The following KIAA1217 variants were observed in gnomAD, a reference collection of about 807,000 sequenced individuals.
KIAA1217 encodes KIAA1217.
A neutral mutation model predicts 163.9 loss-of-function variants in KIAA1217; 88 were observed. The ratio of observed to expected loss-of-function variants is 0.54; its 90% CI spans 0.45 to 0.64. The LOEUF (loss-of-function observed/expected upper bound fraction) is 0.64, where lower values mean the gene tolerates loss of function less well. Among genes scored for constraint, KIAA1217 ranks in the 30% least tolerant of loss-of-function variants. The pLI is 0.00. For synonymous variants in KIAA1217, 903 were observed against 923.1 expected (o/e 0.98, Z 0.39); for missense variants, 2,372 against 2,475.0 (o/e 0.96, Z 0.88).
At chr10:24,245,802 T>A (rs974467285) in intron 2 of KIAA1217, among the ~76,000 whole-genome samples, 11 of 152,006 alleles carry the variant, frequency 7.2e-5, no homozygotes, top group Non-Finnish European at 2.9e-5. Flanking sequence ...AACTAATTTT[T>A]TTTTTTTTTC....
At chr10:24,434,008 CCTCT>C (rs1158383682) in intron 4 of KIAA1217, among the ~76,000 whole-genome samples, 1,984 of 125,854 alleles carry the variant, frequency 0.016, 37 homozygotes, top group Middle Eastern at 0.028. Context: ...TCTCTCTCTC[CCTCT>C]CTCTCTCTCT....
At chr10:23,841,412 T>A (rs1017376220) in intron 1 of KIAA1217, among the ~76,000 whole-genome samples, 1 of 152,170 alleles carries the variant, frequency 6.6e-6, no homozygotes, top group Non-Finnish European at 1.5e-5. Flanking sequence ...TCGATGCACA[T>A]AAATACTATT....
intron 2 of KIAA1217, among the ~76,000 whole-genome samples, chr10:24,087,670 A>G (rs934523883): frequency 2.6e-5 from 4 of 152,240 alleles, no homozygotes; most frequent in Non-Finnish European, 5.9e-5. Context: ...CTGAACACCC[A>G]TTCAATACCA....
chr10:24,211,414 A>G (rs2068072825), intron 1 of KIAA1217, among the ~76,000 whole-genome samples: 2 of 127,936 alleles, frequency 1.6e-5, no homozygotes, highest in East Asian at 4.7e-4. Context: ...TTTGTCACCC[A>G]GACTGGAGTG....
intron 1 of KIAA1217, among the ~76,000 whole-genome samples, chr10:24,217,086 C>A (rs1589978093): frequency 1.1e-5 from 1 of 93,780 alleles, no homozygotes; most frequent in Non-Finnish European, 2.1e-5. Context: ...AAGTATACAA[C>A]AATTTTGGCT....
intron 2 of KIAA1217, among the ~76,000 whole-genome samples, chr10:24,364,681 T>C (rs2050518375): frequency 6.6e-6 from 1 of 152,178 alleles, no homozygotes; most frequent in Non-Finnish European, 1.5e-5. Flanking sequence ...GGAAAAGATG[T>C]AACAGGTAGA....
intron 1 of KIAA1217, among the ~76,000 whole-genome samples, chr10:23,839,862 A>G (rs921434817): frequency 2.0e-5 from 3 of 152,124 alleles, no homozygotes; most frequent in Admixed American, 2.0e-4. Flanking sequence ...CCCCACCCCA[A>G]TCAGATAGTT....
chr10:24,465,333 C>T (rs991176512), intron 5 of KIAA1217, among the ~76,000 whole-genome samples: 6 of 152,200 alleles, frequency 3.9e-5, no homozygotes, highest in Admixed American at 3.9e-4. Context: ...GCTCCATTTG[C>T]CCCCTTCTTT....
At chr10:23,838,370 A>G (rs976483054) in intron 1 of KIAA1217, among the ~76,000 whole-genome samples, 3 of 152,236 alleles carry the variant, frequency 2.0e-5, no homozygotes, top group African/African-American at 7.2e-5. Context: ...GAGAAAAATG[A>G]GTTTAAAATT....
chr10:24,415,137 A>G (rs1332178226), intron 3 of KIAA1217, among the ~76,000 whole-genome samples: 2 of 131,100 alleles, frequency 1.5e-5, no homozygotes, highest in African/African-American at 3.1e-5. Flanking sequence ...TTTTTGAGAT[A>G]GAGTCTTTCT....
intron 2 of KIAA1217, among the ~76,000 whole-genome samples, chr10:24,065,411 A>G (rs533116240): frequency 6.6e-6 from 1 of 152,246 alleles, no homozygotes; most frequent in South Asian, 2.1e-4. Flanking sequence ...CCCAGTAGTC[A>G]TTCAGGAGCA....
intron 2 of KIAA1217, among the ~76,000 whole-genome samples, chr10:24,350,715 T>G (rs2048348675): frequency 6.6e-6 from 1 of 152,060 alleles, no homozygotes; most frequent in Admixed American, 6.6e-5. Flanking sequence ...CTCTGGAGTC[T>G]ACAAGTAAGT....
At chr10:24,321,344 G>C (rs75655507) in intron 2 of KIAA1217, among the ~76,000 whole-genome samples, 3 of 151,980 alleles carry the variant, frequency 2.0e-5, no homozygotes, top group African/African-American at 7.3e-5. Flanking sequence ...TTCGAGACCA[G>C]CCTGACCAAC....
At chr10:24,493,246 C>T (rs1226646034) in intron 6 of KIAA1217, among the ~76,000 whole-genome samples, 1 of 152,234 alleles carries the variant, frequency 6.6e-6, no homozygotes, top group Non-Finnish European at 1.5e-5. Context: ...CCCCACCACT[C>T]ACAAACCCAG....
At chr10:24,309,662 A>T (rs2042456369) in intron 2 of KIAA1217, among the ~76,000 whole-genome samples, 1 of 152,150 alleles carries the variant, frequency 6.6e-6, no homozygotes, top group Admixed American at 6.6e-5. Context: ...GGTTTACCAC[A>T]TAGTGTGTGA....
chr10:23,836,740 C>A (rs1838471385), intron 1 of KIAA1217, among the ~76,000 whole-genome samples: 1 of 151,622 alleles, frequency 6.6e-6, no homozygotes, highest in Middle Eastern at 3.4e-3. Context: ...GCCTGGGCAA[C>A]ATAATGAGAC....
chr10:24,188,262 T>C (rs139006538), intron 2 of KIAA1217, among the ~76,000 whole-genome samples: 1 of 152,348 alleles, frequency 6.6e-6, no homozygotes, highest in East Asian at 1.9e-4. Flanking sequence ...TGTTTATTTG[T>C]AGTGTTTTAA....
intron 1 of KIAA1217, among the ~76,000 whole-genome samples, chr10:23,884,568 C>A (rs1189827932): frequency 6.6e-6 from 1 of 151,920 alleles, no homozygotes; most frequent in Non-Finnish European, 1.5e-5. Flanking sequence ...GCTAATTTAG[C>A]CTGTAATGCA....
At chr10:23,855,845 C>T (rs930375576) in intron 1 of KIAA1217, among the ~76,000 whole-genome samples, 4 of 152,212 alleles carry the variant, frequency 2.6e-5, no homozygotes, top group Non-Finnish European at 4.4e-5. Context: ...GTTCTCAAGC[C>T]TTGGCTTTCG....
Sources: allele counts gnomAD v4.1 joint callset (sites outside exome capture counted in the v4.1 genomes callset), GRCh38; gene constraint gnomAD v4.1.1; transcripts MANE v1.5; gene names NCBI Gene and HGNC (gene_info 2026-07-23, HGNC 2026-07-21).